CEP85: variants seen among roughly 807,000 people sequenced by gnomAD.
CEP85 encodes the protein centrosomal protein of 85 kDa.
In CEP85, 58 loss-of-function variants were observed where a neutral mutation model predicts 93.7. That is an observed-to-expected ratio of 0.62 (90% CI 0.50 to 0.77). The LOEUF (loss-of-function observed/expected upper bound fraction) is 0.77, where lower values mean the gene tolerates loss of function less well. Among genes scored for constraint, CEP85 ranks in the 30% least tolerant of loss-of-function variants. The probability of loss-of-function intolerance (pLI) is 0.00; values close to 1 mark genes in which losing one functional copy is unlikely to be tolerated. For synonymous variants in CEP85, 314 were observed against 338.6 expected (o/e 0.93, Z 0.80); for missense variants, 868 against 922.0 (o/e 0.94, Z 0.76).
At chr1:26,251,409 G>A (rs568334286) in intron 3 of CEP85, among the ~76,000 whole-genome samples, 13 of 151,948 alleles carry the variant, frequency 8.6e-5, no homozygotes, top group African/African-American at 2.9e-4. Context: ...GCGTCACCAC[G>A]CCCAGCTAAT....
chr1:26,245,805 A>G (rs1262345166), intron 3 of CEP85, among the ~76,000 whole-genome samples: 1 of 152,194 alleles, frequency 6.6e-6, no homozygotes, highest in African/African-American at 2.4e-5. Context: ...TAAAGTCACA[A>G]AACTTGTCAC....
At chr1:26,251,248 T>C (rs2089608789) in intron 3 of CEP85, among the ~76,000 whole-genome samples, 1 of 98,740 alleles carries the variant, frequency 1.0e-5, no homozygotes, top group African/African-American at 4.2e-5. Flanking sequence ...CAACCCAAGC[T>C]TGGTTTTTTT....
At chr1:26,255,908 T>C in intron 4 of CEP85, 43 bp downstream of exon 4, 1 of 1,476,968 alleles carries the variant, frequency 6.8e-7, no homozygotes, top group South Asian at 1.3e-5. Context: ...TTCTGTACAG[T>C]TCTTAGAATT....
At chr1:26,257,926 G>A (rs112734778) in intron 5 of CEP85, among the ~76,000 whole-genome samples, 196 bp downstream of exon 5, 2 of 152,122 alleles carry the variant, frequency 1.3e-5, no homozygotes, top group African/African-American at 4.8e-5. Context: ...TATTTCTTTA[G>A]GGGCTCTAGG....
rs547611976 is a variant in CEP85, at chr1:26,278,091, T to A, written c.*798T>A. On this transcript the variant is annotated 3_prime_UTR_variant, in exon 14 of 14. Coordinates refer to ENST00000451429, the MANE Select transcript of CEP85 (RefSeq NM_001319944.2). ...GTGGTTCTAGCCTTGGGCAGAATTA[T>A]ATCCCAGAGACCACAGAGCAACTGT... 6.6e-6 allele frequency: 1 copy of A among 152,664 alleles called. No individual in the cohort carries two copies. The highest frequency in any genetic ancestry group is 6.5e-5 in the Admixed American group (1 of 15,284). 9.5% of individuals were successfully genotyped at this position (152,664 alleles called of 1,614,324 possible). A position where few individuals can be genotyped will look rare whatever the true frequency, so the allele number is the denominator to read the frequency against.
At chr1:26,245,738 C>T (rs116231944) in intron 3 of CEP85, among the ~76,000 whole-genome samples, 2,626 of 152,200 alleles carry the variant, frequency 0.017, 82 homozygotes, top group African/African-American at 0.059. Flanking sequence ...AATATGTCTT[C>T]TTATTTCCAT....
chr1:26,261,979 T>C (rs1202806509), intron 7 of CEP85, among the ~76,000 whole-genome samples: 11 of 151,990 alleles, frequency 7.2e-5, no homozygotes. Flanking sequence ...GAGACCAGTC[T>C]GGCCAACATG....
Position 26,255,551 on chromosome 1 carries a change from C to T in CEP85, c.589C>T (p.Leu197Phe), listed in dbSNP as rs201391625. ...CAATCAGTCGGCAATGATGGAGACA[C>T]TTTATTCAGATCCTCACCACCGAGT... is the stretch of plus-strand genomic sequence containing the variant. ...TLNQSAMMET[L>F]YSDPHHRVRF... Residue 197 changes from leucine (L) to phenylalanine (F), a missense_variant, in exon 4 of 14, where the codon CTT becomes TTT. Transcript: ENST00000451429. 3.7e-6 allele frequency: 6 copies of T among 1,614,034 alleles called. No homozygotes were observed. In the East Asian group the frequency reaches 1.1e-4, roughly 30 times the overall value.
chr1:26,271,680 T>C (rs1466225940), intron 10 of CEP85: 4 of 279,630 alleles, frequency 1.4e-5, no homozygotes, highest in Non-Finnish European at 2.7e-5. Context: ...TTTTTAGCCA[T>C]GTCCTTGTAC....
At position 26,272,008 on chromosome 1, in the gene CEP85, C is replaced by T; in HGVS notation, c.1744-13C>T. The T allele has an allele frequency of 6.2e-7, 1 of 1,613,932 alleles. No individual in the cohort carries two copies. The highest frequency in any genetic ancestry group is 8.5e-7 in the Non-Finnish European group (1 of 1,179,928). On this transcript the variant is annotated splice_polypyrimidine_tract_variant and intron_variant, in intron 10 of 13. Coordinates refer to ENST00000451429, the MANE Select transcript of CEP85 (RefSeq NM_001319944.2). ...TTGTGCTCGCAGCCTTCCTTGATAA[C>T]TTTGCCTTTCAGATTGTGGAGAAGC...
chr1:26,262,547 T>C (rs763685647), intron 7 of CEP85, among the ~76,000 whole-genome samples: 34 of 151,782 alleles, frequency 2.2e-4, no homozygotes, highest in Non-Finnish European at 4.1e-4. Flanking sequence ...AGGGGAAAAG[T>C]CCTCGCTGAC....
In CEP85 at chr1:26,257,049, G is replaced by A. The variant is rs529739387; in HGVS notation, c.904-548G>A. Among the ~76,000 whole-genome samples the A allele has an allele frequency of 3.3e-5, 5 of 151,642 alleles. No homozygotes were observed. In the East Asian group the frequency reaches 9.7e-4, roughly 29 times the overall value. ...AGGTTCAAGCAATTTTCCTGCCTCA[G>A]CCTCCTGAGTAGCTAGGACCACAGG... On this transcript the variant is annotated intron_variant, in intron 4 of 13. Transcript: ENST00000451429.
chr1:26,272,616 C>CCTTT (rs1557668798), intron 11 of CEP85, among the ~76,000 whole-genome samples: 1 of 116,864 alleles, frequency 8.6e-6, no homozygotes. Context: ...TCTATTACAG[C>CCTTT]ATTTTTTTTT....
intron 6 of CEP85, 51 bp from the exon 7 acceptor site, chr1:26,259,566 A>T: frequency 6.8e-7 from 1 of 1,472,054 alleles, no homozygotes; most frequent in Non-Finnish European, 9.2e-7. Context: ...AGTAAAGTAC[A>T]TGAGACTATA....
At position 26,255,690 on chromosome 1, in the gene CEP85, A is replaced by T; in HGVS notation, c.728A>T (p.Asn243Ile). Reference protein sequence around the residue: ...AVFERNGPHSNSSGVLPLGLQ... With the variant: ...AVFERNGPHSISSGVLPLGLQ... ...TTTGAGCGGAATGGACCACATTCTA[A>T]TAGCAGTGGGGTCCTCCCTTTGGGA... Residue 243 changes from asparagine to isoleucine, a missense_variant, in exon 4 of 14, where the codon AAT becomes ATT. Transcript: ENST00000451429. The T allele has an allele frequency of 6.2e-7, 1 of 1,614,040 alleles. No homozygotes were observed.
At chr1:26,241,243 A>ATTTT (rs1433524136) in intron 2 of CEP85, among the ~76,000 whole-genome samples, 6 of 61,810 alleles carry the variant, frequency 9.7e-5, no homozygotes, top group African/African-American at 1.2e-4. Context: ...CATTCAGCAG[A>ATTTT]ATTTTTTTTT....
chr1:26,264,608 C>G (rs2089864727), intron 7 of CEP85, among the ~76,000 whole-genome samples: 2 of 152,176 alleles, frequency 1.3e-5, no homozygotes, highest in Admixed American at 6.6e-5. Flanking sequence ...TGTTGGACTT[C>G]ACTGTAGTAT....
intron 7 of CEP85, among the ~76,000 whole-genome samples, chr1:26,266,261 G>A (rs1031375708): frequency 1.3e-5 from 2 of 151,972 alleles, no homozygotes; most frequent in Non-Finnish European, 2.9e-5. Flanking sequence ...GGTGGTACAC[G>A]CTTGTAGTCT....
intron 7 of CEP85, among the ~76,000 whole-genome samples, chr1:26,264,816 TG>T (rs1397049515): frequency 6.6e-6 from 1 of 152,070 alleles, no homozygotes; most frequent in Non-Finnish European, 1.5e-5. Context: ...TAGTTTTTTT[TG>T]TTTGTTTTTG....
Sources: allele counts gnomAD v4.1 joint callset (sites outside exome capture counted in the v4.1 genomes callset), GRCh38; gene constraint gnomAD v4.1.1; transcripts MANE v1.5; gene names NCBI Gene and HGNC (gene_info 2026-07-23, HGNC 2026-07-21).